Variants in RCHY1 observed in about 807,000 individuals in gnomAD.
RCHY1 encodes ring finger and CHY zinc finger domain containing 1.
In RCHY1, 21 loss-of-function variants were observed where a neutral mutation model predicts 41.6. That is an observed-to-expected ratio of 0.51 (90% CI 0.36 to 0.73). The LOEUF (loss-of-function observed/expected upper bound fraction) is 0.73, where lower values mean the gene tolerates loss of function less well. Among genes scored for constraint, RCHY1 ranks in the 30% least tolerant of loss-of-function variants. RCHY1 has a pLI of 0.00. For synonymous variants in RCHY1, 79 were observed against 102.9 expected (o/e 0.77, Z 1.41); for missense variants, 265 against 325.3 (o/e 0.81, Z 1.43).
In RCHY1 at chr4:75,481,732, T is replaced by A. The variant is rs940804273; in HGVS notation, c.*806A>T. 1.3e-5 allele frequency: 2 copies of A among 152,210 alleles called. No homozygotes were observed. Among genetic ancestry groups the A allele is most frequent in the Non-Finnish European group, 1.5e-5 (1 of 68,044 alleles). 9.4% of individuals were successfully genotyped at this position (152,210 alleles called of 1,614,324 possible). On this transcript the variant is annotated 3_prime_UTR_variant, in exon 9 of 9. Transcript: ENST00000324439. Reference sequence around the variant, plus strand: ...TGTCTCTACAGCATCTAGAAACATATCTGCCACATAGCAGTTGCTCAATAA... The same window carrying A: ...TGTCTCTACAGCATCTAGAAACATAACTGCCACATAGCAGTTGCTCAATAA...
At chr4:75,488,491 A>T (rs1722455392) in intron 8 of RCHY1, among the ~76,000 whole-genome samples, 1 of 152,146 alleles carries the variant, frequency 6.6e-6, no homozygotes, top group Admixed American at 6.6e-5. Context: ...TCTAATGGAG[A>T]GACTGACTGG....
chr4:75,498,119 T>TA (rs76668901), intron 3 of RCHY1, among the ~76,000 whole-genome samples: 4,913 of 128,692 alleles, frequency 0.038, 251 homozygotes, highest in African/African-American at 0.12. Flanking sequence ...TGTAATAGAC[T>TA]AAAAAAAAAA....
chr4:75,486,182 A>G (rs1721983748), intron 8 of RCHY1, among the ~76,000 whole-genome samples: 2 of 152,166 alleles, frequency 1.3e-5, no homozygotes, highest in African/African-American at 4.8e-5. Flanking sequence ...ACGTAAATTC[A>G]GGACTCAGAC....
rs570043995 is a variant in RCHY1, at chr4:75,503,668, G to C, written c.326+5152C>G. Among the ~76,000 whole-genome samples, 24 of 151,814 alleles carry C rather than the reference G, an allele frequency of 1.6e-4. No individual in the cohort carries two copies. The South Asian group carries it at 4.6e-3, about 29-fold the overall frequency. On this transcript the variant is annotated intron_variant, in intron 3 of 8. Transcript: ENST00000324439. ...GATCACGCCACTGCACTCCAGCCTG[G>C]GTGACAGAGTGGGACTCCATCTCAA...
chr4:75,490,590 C>A lies in RCHY1; in HGVS notation c.648G>T (p.Met216Ile). The A allele has an allele frequency of 6.2e-7, 1 of 1,612,212 alleles. No homozygotes were observed. The highest frequency in any genetic ancestry group is 1.1e-5 in the South Asian group (1 of 90,878). ...TATTGATTCTACTCACATCCACAGT[C>A]ATGTTCTGATATTCTGATGGCATAG... ...QTPMPSEYQN[M>I]TVDILCNDCN... Residue 216 changes from methionine (M) to isoleucine (I), a missense_variant, in exon 8 of 9, where the codon ATG (methionine) becomes ATT (isoleucine). By Grantham distance (10) the Met-to-Ile change is conservative. Transcript: ENST00000324439.
intron 2 of RCHY1, 110 bp downstream of exon 2, chr4:75,509,067 G>T: frequency 8.2e-7 from 1 of 1,226,676 alleles, no homozygotes; most frequent in Non-Finnish European, 1.1e-6. Flanking sequence ...CAAAGATATT[G>T]CTTATTCTAG....
chr4:75,493,882 T>C (rs928167709), intron 4 of RCHY1, among the ~76,000 whole-genome samples: 8 of 151,824 alleles, frequency 5.3e-5, no homozygotes, highest in Admixed American at 1.3e-4. Context: ...GTAAGTGATA[T>C]AAGCATTCTT....
chr4:75,506,580 G>A (rs1724331479), intron 3 of RCHY1, among the ~76,000 whole-genome samples: 1 of 151,646 alleles, frequency 6.6e-6, no homozygotes, highest in Non-Finnish European at 1.5e-5. Context: ...AGACCTGGAA[G>A]TTAATCTGTG....
chr4:75,505,304 G>A (rs566466297), intron 3 of RCHY1, among the ~76,000 whole-genome samples: 1 of 152,284 alleles, frequency 6.6e-6, no homozygotes, highest in Admixed American at 6.5e-5. Flanking sequence ...AACAGGCCAT[G>A]CACCAGAATC....
rs1188099438 is a variant in RCHY1, at chr4:75,489,447, T to TA, written c.657+1133dup. 2.6e-5 allele frequency among the ~76,000 whole-genome samples: 4 copies of TA among 152,326 alleles called. No individual in the cohort carries two copies. The South Asian group carries it at 8.3e-4, about 32-fold the overall frequency. The stretch of plus-strand genomic sequence containing the variant: ...CTAGAGAAATCTCCAGTGACACAGG[T>TA]ACTTATTTCACTGGATAAGTTGTAA... On this transcript the variant is annotated intron_variant, in intron 8 of 8. Coordinates refer to ENST00000324439, the MANE Select transcript of RCHY1 (RefSeq NM_015436.4).
At chr4:75,499,523 T>C (rs1364180838) in intron 3 of RCHY1, among the ~76,000 whole-genome samples, 1 of 152,226 alleles carries the variant, frequency 6.6e-6, no homozygotes, top group Non-Finnish European at 1.5e-5. Context: ...GCAACCTTAG[T>C]GTCCATCAGT....
intron 3 of RCHY1, among the ~76,000 whole-genome samples, chr4:75,507,350 T>C (rs1043406268): frequency 1.3e-5 from 2 of 151,768 alleles, no homozygotes; most frequent in Middle Eastern, 6.8e-3. Context: ...AAGAAAATAA[T>C]TGAAAAATGT....
upstream of RCHY1, chr4:75,514,504 A>G (rs1012085603): frequency 1.9e-6 from 1 of 524,764 alleles, no homozygotes; most frequent in Non-Finnish European, 3.4e-6. Context: ...CGTTAGTCGC[A>G]GTCTTCGCTG....
intron 3 of RCHY1, chr4:75,494,532 T>G: frequency 5.1e-6 from 1 of 195,040 alleles, no homozygotes; most frequent in Non-Finnish European, 1.0e-5. Context: ...TATGTCTGTC[T>G]ACACAGAACC....
chr4:75,483,017 T>C (rs1008814217), intron 8 of RCHY1, among the ~76,000 whole-genome samples: 2 of 152,186 alleles, frequency 1.3e-5, no homozygotes, highest in Non-Finnish European at 2.9e-5. Context: ...GATTTCATTA[T>C]TTTTCAGTCA....
chr4:75,507,312 GTATGT>G, intron 3 of RCHY1, among the ~76,000 whole-genome samples: 1 of 152,108 alleles, frequency 6.6e-6, no homozygotes, highest in South Asian at 2.1e-4. Context: ...AGCCAATGAT[GTATGT>G]TATAATTTCT....
Position 75,482,563 on chromosome 4 carries a change from C to T in RCHY1, c.761G>A (p.Arg254His), listed in dbSNP as rs147250391. Residue 254 changes from arginine (R) to histidine (H), a missense_variant, in exon 9 of 9, where the codon CGT (arginine) becomes CAT (histidine). By Grantham distance (29) the Arg-to-His change is conservative. Coordinates refer to ENST00000324439, the MANE Select transcript of RCHY1 (RefSeq NM_015436.4). Reference sequence around the variant, plus strand: ...TCATTGCTGATCCAGTGAAATTCTACGTCCTCCAGCTTGAGCAGTATTATA... The same window carrying T: ...TCATTGCTGATCCAGTGAAATTCTATGTCCTCCAGCTTGAGCAGTATTATA... ...ESYNTAQAGG[R>H]RISLDQQ is the part of the protein sequence containing the mutation. 9 of 1,609,288 alleles carry T rather than the reference C, an allele frequency of 5.6e-6. No individual in the cohort carries two copies. The South Asian group carries it at 6.6e-5, about 12-fold the overall frequency.
At chr4:75,500,923 TA>T (rs948691632) in intron 3 of RCHY1, among the ~76,000 whole-genome samples, 1 of 152,204 alleles carries the variant, frequency 6.6e-6, no homozygotes, top group African/African-American at 2.4e-5. Flanking sequence ...CATGATTTTT[TA>T]AAAAGTTATC....
At chr4:75,487,866 T>C (rs1375470037) in intron 8 of RCHY1, among the ~76,000 whole-genome samples, 2 of 71,404 alleles carry the variant, frequency 2.8e-5, no homozygotes, top group African/African-American at 8.5e-5. Flanking sequence ...TATATATTCA[T>C]AATATATATT....
Sources: gnomAD v4.1 joint callset for allele counts (sites outside exome capture counted in the v4.1 genomes callset) on GRCh38, gnomAD v4.1.1 for gene constraint, MANE v1.5 for transcripts, NCBI Gene and HGNC (gene_info 2026-07-23, HGNC 2026-07-21) for gene names.